The following VPS13B variants were observed in gnomAD, a reference collection of about 807,000 sequenced individuals.
VPS13B encodes the protein intermembrane lipid transfer protein VPS13B.
Under a neutral mutation model 426.4 loss-of-function variants are expected in VPS13B, and 285 were observed. The observed-to-expected ratio is 0.67, with a 90% CI of 0.61 to 0.74. The LOEUF (loss-of-function observed/expected upper bound fraction) is 0.74. Among genes scored for constraint, VPS13B ranks in the 30% least tolerant of loss-of-function variants. The pLI is 0.00. For missense variants in VPS13B, 4,537 were observed against 4,782.6 expected (o/e 0.95, Z 1.51); for synonymous variants, 1,676 against 1,676.4 (o/e 1.00, Z 0.01).
intron 57 of VPS13B, among the ~76,000 whole-genome samples, chr8:99,861,132 G>A (rs1366954497): frequency 3.3e-5 from 5 of 152,150 alleles, no homozygotes; most frequent in Non-Finnish European, 7.4e-5. Flanking sequence ...GGGCCTCAGT[G>A]AAGGCATCAA....
intron 21 of VPS13B, among the ~76,000 whole-genome samples, chr8:99,422,813 C>T (rs562991330): frequency 9.2e-5 from 14 of 152,314 alleles, no homozygotes; most frequent in Admixed American, 7.8e-4. Context: ...TTTCCCTCCT[C>T]AGAGGTACTC....
chr8:99,580,338 ATATTTCTTTTCT>A (rs1301885184), intron 33 of VPS13B, among the ~76,000 whole-genome samples: 69 of 148,448 alleles, frequency 4.6e-4, no homozygotes, highest in African/African-American at 1.5e-3. Context: ...ATATATATAT[ATATTTCTTTTCT>A]TTTCTTTTCT....
chr8:99,339,736 G>T (rs1216852749), intron 19 of VPS13B, among the ~76,000 whole-genome samples: 3 of 152,032 alleles, frequency 2.0e-5, no homozygotes, highest in African/African-American at 7.2e-5. Context: ...AACAAGAAAG[G>T]CAGTGCTTTC....
chr8:99,069,579 A>C (rs2132329290), intron 3 of VPS13B, among the ~76,000 whole-genome samples: 1 of 152,344 alleles, frequency 6.6e-6, no homozygotes, highest in South Asian at 2.1e-4. Context: ...TTGTGTATGT[A>C]TGCATCTGTA....
At chr8:99,674,533 GCT>G (rs762848834) in intron 35 of VPS13B, among the ~76,000 whole-genome samples, 9 of 151,744 alleles carry the variant, frequency 5.9e-5, no homozygotes, top group Non-Finnish European at 1.2e-4. Flanking sequence ...CTATTAATTT[GCT>G]CTTTCTTTTC....
chr8:99,440,326 C>T (rs1817619902), intron 22 of VPS13B, among the ~76,000 whole-genome samples: 1 of 152,102 alleles, frequency 6.6e-6, no homozygotes, highest in Non-Finnish European at 1.5e-5. Flanking sequence ...TGACCCCCAG[C>T]TTGAGGACTT....
chr8:99,697,737 G>A, intron 35 of VPS13B: 1 of 619,416 alleles, frequency 1.6e-6, no homozygotes, highest in Non-Finnish European at 3.1e-6. Flanking sequence ...CTGGCCTAGG[G>A]CGCGCCCGTA....
At chr8:99,790,557 A>T (rs1283814532) in intron 43 of VPS13B, among the ~76,000 whole-genome samples, 1 of 152,176 alleles carries the variant, frequency 6.6e-6, no homozygotes, top group Non-Finnish European at 1.5e-5. Context: ...GACAGAGAGA[A>T]ATGAGGGGTG....
intron 21 of VPS13B, among the ~76,000 whole-genome samples, chr8:99,393,882 C>T (rs1170339714): frequency 6.6e-6 from 1 of 152,010 alleles, no homozygotes; most frequent in Non-Finnish European, 1.5e-5. Context: ...AGGATACAGT[C>T]TTCTTTTTTA....
chr8:99,370,793 A>G (rs747317524), intron 19 of VPS13B, among the ~76,000 whole-genome samples: 5 of 151,988 alleles, frequency 3.3e-5, no homozygotes, highest in Non-Finnish European at 5.9e-5. Context: ...TATTTTTAAT[A>G]GAGATGGTGA....
intron 8 of VPS13B, among the ~76,000 whole-genome samples, chr8:99,132,839 A>G (rs144896666): frequency 3.1e-4 from 47 of 152,330 alleles, no homozygotes; most frequent in African/African-American, 1.1e-3. Context: ...GTAGGTTTCC[A>G]TAGGCTTAAA....
chr8:99,037,284 G>A (rs947164045), intron 2 of VPS13B, among the ~76,000 whole-genome samples: 1 of 151,720 alleles, frequency 6.6e-6, no homozygotes, highest in African/African-American at 2.4e-5. Context: ...AAACCCTCTG[G>A]TTGAAGAAAC....
intron 39 of VPS13B, among the ~76,000 whole-genome samples, chr8:99,743,640 A>C (rs922435759): frequency 2.6e-5 from 4 of 152,352 alleles, no homozygotes; most frequent in African/African-American, 9.6e-5. Flanking sequence ...GACCAATGGA[A>C]CAGAACAGAA....
intron 21 of VPS13B, among the ~76,000 whole-genome samples, chr8:99,420,427 T>A (rs1476548235): frequency 1.3e-5 from 2 of 152,146 alleles, no homozygotes; most frequent in Non-Finnish European, 2.9e-5. Flanking sequence ...CAGTTCGACT[T>A]GAAGAAGGTA....
rs141608582 is a variant in VPS13B at position 99,642,330 on chromosome 8, C to T, written c.5740C>T (p.Arg1914Trp). The T allele has an allele frequency of 1.2e-5, 20 of 1,613,994 alleles. No individual in the cohort carries two copies. The highest frequency in any genetic ancestry group is 4.5e-5 in the East Asian group (2 of 44,896). Residue 1914 changes from arginine to tryptophan, a missense_variant, in exon 34 of 62, where the codon CGG (arginine) becomes TGG (tryptophan). By Grantham distance (101) the Arg-to-Trp change is moderately radical. Coordinates refer to ENST00000357162, the MANE Select transcript of VPS13B (RefSeq NM_152564.5). ...ARQALGITIV[R>W]QPGRRGTGDL... is the part of the protein sequence containing the mutation. ...ACAAGCACTTGGTATAACTATTGTT[C>T]GGCAGCCTGGTCGAAGAGGAACTGG...
chr8:99,868,095 T>C, intron 58 of VPS13B, 194 bp from the exon 59 acceptor site: 1 of 644,844 alleles, frequency 1.6e-6, no homozygotes, highest in Non-Finnish European at 2.6e-6. Context: ...CTGAACATTG[T>C]ATTTTGATGA....
chr8:99,284,151 G>A (rs953507605), intron 19 of VPS13B, among the ~76,000 whole-genome samples: 24 of 152,010 alleles, frequency 1.6e-4, no homozygotes, highest in African/African-American at 5.8e-4. Flanking sequence ...TTTAAATACA[G>A]GTGTATATTT....
chr8:99,558,711 C>T (rs1263713966), intron 31 of VPS13B, among the ~76,000 whole-genome samples: 1 of 152,198 alleles, frequency 6.6e-6, no homozygotes, highest in African/African-American at 2.4e-5. Flanking sequence ...TTTCCAGCTT[C>T]ATCCATGTCC....
chr8:99,121,317 GA>G lies in VPS13B; in HGVS notation c.1079del (p.Asp360AlafsTer24), dbSNP rs767518464. On this transcript the variant is annotated frameshift_variant, in exon 8 of 62. Transcript: ENST00000357162. LOFTEE classifies it high-confidence loss of function. ...CTTTGTGCCTGCAATTGTGAGTTAT[GA>G]CGATGGCGAGGAAGACTTTGTTGGG... ...WSFVPAIVSY[D>X]DGEEDFVGND... 4 of 1,614,062 alleles carry G rather than the reference GA, an allele frequency of 2.5e-6. No homozygotes were observed. The African/African-American group carries it at 5.3e-5, about 22-fold the overall frequency.
Sources: gnomAD v4.1 joint callset for allele counts (sites outside exome capture counted in the v4.1 genomes callset) on GRCh38, gnomAD v4.1.1 for gene constraint, MANE v1.5 for transcripts, NCBI Gene and HGNC (gene_info 2026-07-23, HGNC 2026-07-21) for gene names.